Variants in PDE6C observed in about 807,000 individuals in gnomAD.
PDE6C encodes cone cGMP-specific 3',5'-cyclic phosphodiesterase subunit alpha'.
PDE6C carries 75 observed loss-of-function variants against 113.1 expected under a neutral mutation model. The observed-to-expected ratio is 0.66, with a 90% CI of 0.55 to 0.80. PDE6C has a LOEUF of 0.80. Ranked by LOEUF, PDE6C falls within the 30% of genes least tolerant of loss-of-function variation. The pLI, the probability that PDE6C is intolerant of heterozygous loss-of-function variation, is 0.00. For missense variants in PDE6C, 912 were observed against 1,038.6 expected, an observed-to-expected ratio of 0.88 and a Z score of 1.67; for synonymous variants, 375 against 363.7, an observed-to-expected ratio of 1.03 and a Z score of -0.35.
chr10:93,615,119 C>T (rs2058414132), intron 1 of PDE6C, among the ~76,000 whole-genome samples: 1 of 152,122 alleles, frequency 6.6e-6, no homozygotes, highest in Admixed American at 6.6e-5. Context: ...TGGGAAACCC[C>T]CGTCTCTACC....
chr10:93,659,637 T>C (rs1245518367), intron 18 of PDE6C, among the ~76,000 whole-genome samples: 1 of 152,180 alleles, frequency 6.6e-6, no homozygotes, highest in Non-Finnish European at 1.5e-5. Flanking sequence ...GGAACTCCCC[T>C]TTATAAAACC....
chr10:93,657,540 C>A (rs940473769), intron 16 of PDE6C, among the ~76,000 whole-genome samples: 2 of 151,992 alleles, frequency 1.3e-5, no homozygotes, highest in African/African-American at 2.4e-5. Flanking sequence ...ACATACCTTT[C>A]TGCAACTTGC....
At chr10:93,640,377 A>G in intron 12 of PDE6C, 73 bp from the exon 13 acceptor site, 1 of 1,300,726 alleles carries the variant, frequency 7.7e-7, no homozygotes, top group Non-Finnish European at 1.1e-6. Context: ...ACATCTTTTT[A>G]GATAAGATTG....
chr10:93,663,750 T>C (rs1285703807), intron 21 of PDE6C, among the ~76,000 whole-genome samples: 1 of 152,230 alleles, frequency 6.6e-6, no homozygotes, highest in Non-Finnish European at 1.5e-5. Flanking sequence ...ATGAAATTTC[T>C]ATTCCTAAAG....
chr10:93,617,422 T>C (rs948876952), intron 1 of PDE6C, among the ~76,000 whole-genome samples: 1 of 152,212 alleles, frequency 6.6e-6, no homozygotes, highest in African/African-American at 2.4e-5. Context: ...TCCTTGTGTT[T>C]AGAATCTGGA....
At chr10:93,659,996 G>A (rs757651485) in intron 18 of PDE6C, among the ~76,000 whole-genome samples, 40 of 152,278 alleles carry the variant, frequency 2.6e-4, no homozygotes, top group Non-Finnish European at 5.0e-4. Flanking sequence ...TCTACCACTT[G>A]CTTTCTTACT....
At chr10:93,647,214 G>A (rs2133870593) in intron 15 of PDE6C, among the ~76,000 whole-genome samples, 1 of 152,264 alleles carries the variant, frequency 6.6e-6, no homozygotes, top group East Asian at 1.9e-4. Flanking sequence ...ATTGAGGGGA[G>A]CACTGTTTTG....
Position 93,646,179 on chromosome 10 carries a change from G to A in PDE6C, c.1935+132G>A, listed in dbSNP as rs921692588. 1.6e-5 allele frequency: 10 copies of A among 644,892 alleles called. 1 individual carries two copies. The highest frequency in any genetic ancestry group is 7.1e-5 in the Admixed American group (3 of 42,318). 39.9% of individuals were successfully genotyped at this position (644,892 alleles called of 1,614,324 possible). A position where few individuals can be genotyped will look rare whatever the true frequency, so the allele number is the denominator to read the frequency against. On this transcript the variant is annotated intron_variant, in intron 15 of 21. Coordinates refer to ENST00000371447, the MANE Select transcript of PDE6C (RefSeq NM_006204.4). ...GTGTATACCCTTGTTGAAGTCAATT[G>A]ATAGAAATTGCTATATTGAACTAGT... is the stretch of plus-strand genomic sequence containing the variant.
chr10:93,643,589 C>T (rs2058569622), intron 14 of PDE6C, among the ~76,000 whole-genome samples: 1 of 151,830 alleles, frequency 6.6e-6, no homozygotes, highest in Admixed American at 6.6e-5. Flanking sequence ...CAGGGCCTCC[C>T]TATGTTGCCC....
chr10:93,656,379 C>G (rs981533573), intron 16 of PDE6C, among the ~76,000 whole-genome samples: 1 of 152,124 alleles, frequency 6.6e-6, no homozygotes, highest in Non-Finnish European at 1.5e-5. Flanking sequence ...CTATTTACAA[C>G]AGTAATATTG....
At chr10:93,614,210 G>A (rs1390677286) in intron 1 of PDE6C, among the ~76,000 whole-genome samples, 1 of 152,180 alleles carries the variant, frequency 6.6e-6, no homozygotes, top group African/African-American at 2.4e-5. Context: ...TTCTGTGCAG[G>A]GGTGTATAGG....
Position 93,662,134 on chromosome 10 carries a change from G to GT in PDE6C, c.2283+2dup. ...AACAGTGTTGCAGCAACAACCCATT[G>GT]TAAGACCTTGACATAAAAATGTATT... On this transcript the variant is annotated splice_donor_variant, in intron 19 of 21. Coordinates refer to ENST00000371447, the MANE Select transcript of PDE6C (RefSeq NM_006204.4). LOFTEE classifies it high-confidence loss of function. The GT allele has an allele frequency of 6.3e-7, 1 of 1,584,574 alleles. No homozygotes were observed. Among genetic ancestry groups the GT allele is most frequent in the Non-Finnish European group, 8.7e-7 (1 of 1,153,196 alleles).
chr10:93,622,662 G>GT (rs2058453827), intron 4 of PDE6C, among the ~76,000 whole-genome samples: 1 of 49,746 alleles, frequency 2.0e-5, no homozygotes, highest in Non-Finnish European at 3.9e-5. Flanking sequence ...TTTTTTTTTT[G>GT]TTGTTTTTTT....
chr10:93,615,527 G>A (rs2058415993), intron 1 of PDE6C, among the ~76,000 whole-genome samples: 1 of 152,222 alleles, frequency 6.6e-6, no homozygotes, highest in East Asian at 1.9e-4. Context: ...GACTACAGAG[G>A]TGCGCCACTA....
intron 14 of PDE6C, among the ~76,000 whole-genome samples, chr10:93,641,556 A>G (rs2058560137): frequency 6.6e-6 from 1 of 152,150 alleles, no homozygotes; most frequent in East Asian, 1.9e-4. Context: ...AGGTAGGAGA[A>G]ACACTTGAAC....
At chr10:93,659,336 C>A (rs1440897715) in intron 18 of PDE6C, among the ~76,000 whole-genome samples, 169 bp downstream of exon 18, 1 of 152,040 alleles carries the variant, frequency 6.6e-6, no homozygotes, top group Non-Finnish European at 1.5e-5. Flanking sequence ...ATAGAAGGAA[C>A]TTTGGAAGGA....
intron 4 of PDE6C, 148 bp downstream of exon 4, chr10:93,622,220 A>G (rs1453948518): frequency 9.4e-6 from 8 of 854,774 alleles, no homozygotes; most frequent in Non-Finnish European, 1.5e-5. Flanking sequence ...TGTGTCTTGG[A>G]GCAAAAAAGA....
In PDE6C at chr10:93,617,705, T is replaced by C. The variant is rs1010921363; in HGVS notation, c.481-2927T>C. Among the ~76,000 whole-genome samples the C allele has an allele frequency of 5.3e-5, 8 of 152,076 alleles. No individual in the cohort carries two copies. The East Asian group carries it at 5.8e-4, about 11-fold the overall frequency. On this transcript the variant is annotated intron_variant, in intron 1 of 21. Transcript: ENST00000371447. ...AGGAGAATCACTTGAACCTGAAAGG[T>C]GAAGCCTGCAGTGATCAGAGATCAC...
chr10:93,642,641 C>G (rs1243963669), intron 14 of PDE6C, among the ~76,000 whole-genome samples: 1 of 152,078 alleles, frequency 6.6e-6, no homozygotes, highest in African/African-American at 2.4e-5. Flanking sequence ...GGATCTTGGA[C>G]AAGTCATTTA....
Sources: gnomAD v4.1 joint callset for allele counts (sites outside exome capture counted in the v4.1 genomes callset) on GRCh38, gnomAD v4.1.1 for gene constraint, MANE v1.5 for transcripts, NCBI Gene and HGNC (gene_info 2026-07-23, HGNC 2026-07-21) for gene names.